EDNRB: variants seen among roughly 807,000 people sequenced by gnomAD.
EDNRB encodes the protein Hirschsprung disease 2.
A neutral mutation model predicts 46.4 loss-of-function variants in EDNRB; 18 were observed. The observed-to-expected ratio is 0.39, with a 90% CI of 0.27 to 0.57. The LOEUF (loss-of-function observed/expected upper bound fraction) is 0.57. EDNRB is among the 20% of genes least tolerant of loss of function. The pLI is 0.61. For synonymous variants in EDNRB, 213 were observed against 204.9 expected, an observed-to-expected ratio of 1.04 and a Z score of -0.34; for missense variants, 434 against 537.5, an observed-to-expected ratio of 0.81 and a Z score of 1.90.
Position 77,896,358 on chromosome 13 carries a change from A to T in EDNRB, c.*1842T>A. 7.0e-7 allele frequency: 1 copy of T among 1,431,488 alleles called. No homozygotes were observed. The highest frequency in any genetic ancestry group is 1.5e-5 in the South Asian group (1 of 68,914). The allele number at this position is 1,431,488 out of a possible 1,614,324, so 88.7% of individuals were successfully genotyped here. A position where few individuals can be genotyped will look rare whatever the true frequency, so the allele number is the denominator to read the frequency against. On this transcript the variant is annotated 3_prime_UTR_variant, in exon 7 of 7. Transcript: ENST00000646607. ...AGAGTCTAAAATGACTTCTATGATA[A>T]CAGGCCTCTGAAAAAGTGATTGGGA...
intron 1 of EDNRB, among the ~76,000 whole-genome samples, chr13:77,964,332 T>A (rs532909157): frequency 7.9e-5 from 12 of 152,198 alleles, no homozygotes; most frequent in Non-Finnish European, 1.5e-4. Context: ...AAGACACATA[T>A]GTTTATTGTG....
intron 1 of EDNRB, among the ~76,000 whole-genome samples, chr13:77,938,722 T>C (rs908717739): frequency 6.6e-6 from 1 of 152,034 alleles, no homozygotes; most frequent in Non-Finnish European, 1.5e-5. Flanking sequence ...ATAAAAGGAA[T>C]TGAAATTAAG....
chr13:77,900,012 T>A, intron 5 of EDNRB, 45 bp from the exon 6 acceptor site: 2 of 1,510,974 alleles, frequency 1.3e-6, no homozygotes, highest in Non-Finnish European at 1.8e-6. Flanking sequence ...TATGCTATTC[T>A]GAACATGTAG....
Position 77,897,983 on chromosome 13 carries a change from C to G in EDNRB, c.*217G>C. On this transcript the variant is annotated 3_prime_UTR_variant, in exon 7 of 7. Transcript: ENST00000646607. The stretch of plus-strand genomic sequence containing the variant: ...TGTAAAAAATTAAGTGCTTTCACGA[C>G]GAGGCTTTCTTAATTCCCACTGATT... 2 of 1,344,806 alleles carry G rather than the reference C, an allele frequency of 1.5e-6. No individual in the cohort carries two copies. The highest frequency in any genetic ancestry group is 3.2e-5 in the Admixed American group (1 of 31,308). The allele number at this position is 1,344,806 out of a possible 1,614,324, so 83.3% of individuals were successfully genotyped here.
intron 1 of EDNRB, among the ~76,000 whole-genome samples, chr13:77,934,768 A>T (rs575396672): frequency 1.3e-5 from 2 of 151,936 alleles, no homozygotes; most frequent in African/African-American, 4.8e-5. Flanking sequence ...GATTTCCATG[A>T]TGGAAAGGAA....
Position 77,896,310 on chromosome 13 carries a change from G to A in EDNRB, c.*1890C>T. On this transcript the variant is annotated 3_prime_UTR_variant, in exon 7 of 7. Transcript: ENST00000646607. ...ATTAATAAACTGTGAAAATATTAGT[G>A]ATTCAAAATTAATTTAAAATTGAGA... 1 of 807,940 alleles carries A rather than the reference G, an allele frequency of 1.2e-6. No homozygotes were observed. The highest frequency in any genetic ancestry group is 1.8e-6 in the Non-Finnish European group (1 of 568,584). 50.0% of individuals were successfully genotyped at this position (807,940 alleles called of 1,614,324 possible).
Position 77,896,781 on chromosome 13 carries a change from C to A in EDNRB, c.*1419G>T. Reference sequence around the variant, plus strand: ...CCTCCAACCCCACCTCATTTCCTCTCTCTTCCGTTTTCTCTTGTACATACT... The same window carrying A: ...CCTCCAACCCCACCTCATTTCCTCTATCTTCCGTTTTCTCTTGTACATACT... On this transcript the variant is annotated 3_prime_UTR_variant, in exon 7 of 7. Transcript: ENST00000646607. 1 of 1,309,656 alleles carries A rather than the reference C, an allele frequency of 7.6e-7. No individual in the cohort carries two copies. Among genetic ancestry groups the A allele is most frequent in the East Asian group, 3.4e-5 (1 of 29,076 alleles). The allele number at this position is 1,309,656 out of a possible 1,614,324, so 81.1% of individuals were successfully genotyped here. A position where few individuals can be genotyped will look rare whatever the true frequency, so the allele number is the denominator to read the frequency against.
intron 1 of EDNRB, among the ~76,000 whole-genome samples, chr13:77,927,454 A>C (rs1157543889): frequency 6.6e-6 from 1 of 152,226 alleles, no homozygotes; most frequent in Non-Finnish European, 1.5e-5. Flanking sequence ...TTGGGTACTC[A>C]TGATAAATTT....
At position 77,896,273 on chromosome 13, in the gene EDNRB, GA is replaced by G. The variant is rs1878618410; in HGVS notation, c.*1926del. On this transcript the variant is annotated 3_prime_UTR_variant, in exon 7 of 7. Coordinates refer to ENST00000646607, the MANE Select transcript of EDNRB (RefSeq NM_001122659.3). Reference sequence around the variant, plus strand: ...ATAAAAATAATCTAAAATTTAAATAGAAATTAAATATATTAATAAACTGTGA... The same window carrying G: ...ATAAAAATAATCTAAAATTTAAATAGAATTAAATATATTAATAAACTGTGA... 7.9e-6 allele frequency: 4 copies of G among 504,784 alleles called. 1 individual carries two copies. The South Asian group carries it at 2.3e-4, about 29-fold the overall frequency. 31.3% of individuals were successfully genotyped at this position (504,784 alleles called of 1,614,324 possible).
At chr13:77,959,917 C>T (rs1315001502) in intron 1 of EDNRB, among the ~76,000 whole-genome samples, 1 of 152,144 alleles carries the variant, frequency 6.6e-6, no homozygotes, top group Admixed American at 6.5e-5. Flanking sequence ...CTGATTCCAT[C>T]AACTGGAAGA....
intron 1 of EDNRB, among the ~76,000 whole-genome samples, chr13:77,943,862 C>T (rs1431784976): frequency 6.6e-6 from 1 of 151,896 alleles, no homozygotes; most frequent in Non-Finnish European, 1.5e-5. Context: ...AAAATTTTAA[C>T]CTACAAATTC....
chr13:77,952,159 T>A (rs1881110670), intron 1 of EDNRB, among the ~76,000 whole-genome samples: 1 of 151,856 alleles, frequency 6.6e-6, no homozygotes. Flanking sequence ...ATTAAGAAAG[T>A]AAAGTGGTGA....
At chr13:77,946,996 A>C (rs1446302759) in intron 1 of EDNRB, among the ~76,000 whole-genome samples, 1 of 152,218 alleles carries the variant, frequency 6.6e-6, no homozygotes, top group Non-Finnish European at 1.5e-5. Flanking sequence ...TAAGAATGAA[A>C]TCTATGACTG....
chr13:77,942,427 G>A (rs759489906), intron 1 of EDNRB, among the ~76,000 whole-genome samples: 3 of 152,038 alleles, frequency 2.0e-5, no homozygotes, highest in East Asian at 1.9e-4. Context: ...CAGAAATGAA[G>A]CTGTGCAGAG....
In EDNRB at chr13:77,946,597, A is replaced by C. The variant is rs1019545619; in HGVS notation, c.-51-27973T>G. 1.1e-4 allele frequency among the ~76,000 whole-genome samples: 16 copies of C among 152,250 alleles called. No homozygotes were observed. The East Asian group carries it at 3.1e-3, about 29-fold the overall frequency. ...AAAAAAACCCATTTCCAGTGATTTC[A>C]ACTCTATGTTGGTGGCTCCATGTGA... is the stretch of plus-strand genomic sequence containing the variant. On this transcript the variant is annotated intron_variant, in intron 1 of 7. Transcript: ENST00000646948.
At chr13:77,935,411 TG>T (rs982293344) in intron 1 of EDNRB, among the ~76,000 whole-genome samples, 2 of 151,390 alleles carry the variant, frequency 1.3e-5, no homozygotes, top group African/African-American at 4.9e-5. Context: ...TGAAAAAGAG[TG>T]GGGAAAGGAT....
intron 1 of EDNRB, among the ~76,000 whole-genome samples, chr13:77,934,659 C>G (rs1880503069): frequency 7.3e-6 from 1 of 136,734 alleles, no homozygotes; most frequent in African/African-American, 2.9e-5. Context: ...GGGCAAATCC[C>G]TGAGCTTGAT....
At chr13:77,906,784 C>G (rs1315659391) in intron 1 of EDNRB, among the ~76,000 whole-genome samples, 2 of 152,012 alleles carry the variant, frequency 1.3e-5, no homozygotes, top group East Asian at 3.9e-4. Context: ...ATTGCCAAAC[C>G]AAAGACACAA....
At chr13:77,941,049 G>C (rs1193550470) in intron 1 of EDNRB, among the ~76,000 whole-genome samples, 1 of 152,170 alleles carries the variant, frequency 6.6e-6, no homozygotes, top group Non-Finnish European at 1.5e-5. Flanking sequence ...GAGATACCTA[G>C]GTGTGATATC....
Sources: allele counts gnomAD v4.1 joint callset (sites outside exome capture counted in the v4.1 genomes callset), GRCh38; gene constraint gnomAD v4.1.1; transcripts MANE v1.5; gene names NCBI Gene and HGNC (gene_info 2026-07-23, HGNC 2026-07-21).